The following SDK1 variants were observed in gnomAD, a reference collection of about 807,000 sequenced individuals.
SDK1 encodes the protein protein sidekick-1.
A neutral mutation model predicts 245.5 loss-of-function variants in SDK1; 157 were observed. The observed-to-expected ratio is 0.64, with a 90% confidence interval of 0.56 to 0.73. The LOEUF is 0.73. Among genes scored for constraint, SDK1 ranks in the 30% least tolerant of loss-of-function variants. The pLI is 0.00. For synonymous variants in SDK1, 1,647 were observed against 1,278.5 expected (o/e 1.29, Z -6.15); for missense variants, 3,583 against 3,002.3 (o/e 1.19, Z -4.52).
intron 5 of SDK1, among the ~76,000 whole-genome samples, chr7:3,936,493 G>T (rs979793478): frequency 1.3e-5 from 2 of 151,758 alleles, no homozygotes; most frequent in African/African-American, 2.4e-5. Context: ...GCTGAGGCAG[G>T]AGAAACACGT....
At chr7:3,961,573 C>T (rs1045277535) in intron 8 of SDK1, among the ~76,000 whole-genome samples, 7 of 151,764 alleles carry the variant, frequency 4.6e-5, no homozygotes, top group Admixed American at 6.6e-5. Context: ...CCTCATGGAG[C>T]GAGGCAGCTT....
At chr7:4,150,268 T>A (rs1351750314) in intron 30 of SDK1, among the ~76,000 whole-genome samples, 1 of 152,142 alleles carries the variant, frequency 6.6e-6, no homozygotes, top group Non-Finnish European at 1.5e-5. Flanking sequence ...GACACCCGCC[T>A]TGTGCTTCTC....
chr7:3,459,441 C>T (rs1320806715), intron 1 of SDK1, among the ~76,000 whole-genome samples: 2 of 152,136 alleles, frequency 1.3e-5, no homozygotes, highest in Admixed American at 6.6e-5. Flanking sequence ...GTAGCCACTC[C>T]CCAGTGCCAT....
intron 1 of SDK1, among the ~76,000 whole-genome samples, chr7:3,563,559 CCAG>C (rs1297355143): frequency 1.3e-5 from 2 of 152,054 alleles, no homozygotes; most frequent in Non-Finnish European, 2.9e-5. Context: ...GAAAATATAT[CCAG>C]CAACAATTGA....
chr7:3,409,312 T>C (rs1397329278), intron 1 of SDK1, among the ~76,000 whole-genome samples: 2 of 114,970 alleles, frequency 1.7e-5, no homozygotes, highest in Admixed American at 1.8e-4. Flanking sequence ...TTTTTTTTTT[T>C]TGGATGCCTT....
At chr7:3,616,608 G>A (rs1404382040) in intron 1 of SDK1, among the ~76,000 whole-genome samples, 1 of 152,046 alleles carries the variant, frequency 6.6e-6, no homozygotes, top group Non-Finnish European at 1.5e-5. Flanking sequence ...ACTCATAGAT[G>A]CAATTTAATA....
chr7:4,161,304 A>G (rs894527378), intron 31 of SDK1, among the ~76,000 whole-genome samples: 3 of 152,156 alleles, frequency 2.0e-5, no homozygotes, highest in South Asian at 2.1e-4. Context: ...GCCAGCTGCA[A>G]CCTCACCAGA....
intron 1 of SDK1, among the ~76,000 whole-genome samples, chr7:3,430,034 A>G (rs1372641530): frequency 2.0e-5 from 3 of 152,354 alleles, no homozygotes; most frequent in Admixed American, 1.3e-4. Flanking sequence ...TTACATTTCA[A>G]GTGCCAACTT....
intron 14 of SDK1, among the ~76,000 whole-genome samples, chr7:4,001,398 G>C (rs1200693928): frequency 6.6e-6 from 1 of 152,178 alleles, no homozygotes; most frequent in East Asian, 1.9e-4. Flanking sequence ...CTCCCGGTGA[G>C]CATGTGTCTC....
intron 1 of SDK1, among the ~76,000 whole-genome samples, chr7:3,605,261 A>C (rs1781384854): frequency 6.6e-6 from 1 of 152,210 alleles, no homozygotes; most frequent in Non-Finnish European, 1.5e-5. Context: ...TATATTGTGG[A>C]ATTTTAGGCT....
intron 5 of SDK1, among the ~76,000 whole-genome samples, chr7:3,845,920 T>C (rs1266513496): frequency 2.4e-4 from 37 of 152,208 alleles, no homozygotes; most frequent in Non-Finnish European, 1.2e-4. Context: ...TGAAATTTGA[T>C]TTGAGCTGCT....
At chr7:3,585,775 A>G (rs1432582238) in intron 1 of SDK1, among the ~76,000 whole-genome samples, 1 of 152,152 alleles carries the variant, frequency 6.6e-6, no homozygotes, top group East Asian at 1.9e-4. Flanking sequence ...CGGGGGAGAA[A>G]TCTAAAGACA....
intron 20 of SDK1, among the ~76,000 whole-genome samples, chr7:4,070,044 C>T (rs1780150283): frequency 1.3e-5 from 2 of 152,210 alleles, no homozygotes; most frequent in African/African-American, 4.8e-5. Flanking sequence ...TCAAAGCACC[C>T]TGAGGCCACA....
At chr7:3,818,189 A>G (rs1779556408) in intron 4 of SDK1, among the ~76,000 whole-genome samples, 1 of 152,252 alleles carries the variant, frequency 6.6e-6, no homozygotes, top group Non-Finnish European at 1.5e-5. Context: ...AATTTTATTT[A>G]AAGCCACACA....
chr7:3,698,211 G>A lies in SDK1; in HGVS notation c.713+56106G>A, dbSNP rs116080022. Reference sequence around the variant, plus strand: ...TAGCCAAATACTACCGAAGAAAACTGTGGCCATATTCACAAACCCCCAAGC... The same window carrying A: ...TAGCCAAATACTACCGAAGAAAACTATGGCCATATTCACAAACCCCCAAGC... On this transcript the variant is annotated intron_variant, in intron 4 of 44. Coordinates refer to ENST00000404826, the MANE Select transcript of SDK1 (RefSeq NM_152744.4). Among the ~76,000 whole-genome samples, 292 of 152,272 alleles carry A rather than the reference G, an allele frequency of 1.9e-3. 1 individual carries two copies. Among genetic ancestry groups the A allele is most frequent in the African/African-American group, 6.7e-3 (278 of 41,554 alleles).
At chr7:3,794,394 C>A (rs1038047585) in intron 4 of SDK1, among the ~76,000 whole-genome samples, 4 of 152,236 alleles carry the variant, frequency 2.6e-5, no homozygotes, top group African/African-American at 9.6e-5. Context: ...AGCTTTGGGA[C>A]ATGCTGTGGT....
At position 4,012,176 on chromosome 7, in the gene SDK1, C is replaced by T; in HGVS notation, c.2361C>T (p.Val787=). 1 of 1,576,424 alleles carries T rather than the reference C, an allele frequency of 6.3e-7. No individual in the cohort carries two copies. Among genetic ancestry groups the T allele is most frequent in the Admixed American group, 1.8e-5 (1 of 54,666 alleles). ...ASGRTNQSIM[V]QWQPPPETEH... ...GGCGGACTAATCAGTCCATTATGGTCCAGTGGCAGCCACCCCCAGAAACAG... is the reference window on the plus strand; with the variant it reads ...GGCGGACTAATCAGTCCATTATGGTTCAGTGGCAGCCACCCCCAGAAACAG... The change falls in exon 16 of 45, where the codon GTC becomes GTT. Residue 787 remains valine (V), a synonymous_variant. Coordinates refer to ENST00000404826, the MANE Select transcript of SDK1 (RefSeq NM_152744.4).
intron 3 of SDK1, 65 bp from the exon 4 acceptor site, chr7:3,641,893 C>A: frequency 7.4e-7 from 1 of 1,359,612 alleles, no homozygotes; most frequent in Non-Finnish European, 1.0e-6. Flanking sequence ...CTGTTTCCAT[C>A]TGTGACCCCT....
chr7:3,902,626 T>A (rs1781828387), intron 5 of SDK1, among the ~76,000 whole-genome samples: 1 of 152,196 alleles, frequency 6.6e-6, no homozygotes, highest in Non-Finnish European at 1.5e-5. Flanking sequence ...GTGTCTTAAT[T>A]GAATAATATA....
Sources: gnomAD v4.1 joint callset for allele counts (sites outside exome capture counted in the v4.1 genomes callset) on GRCh38, gnomAD v4.1.1 for gene constraint, MANE v1.5 for transcripts, NCBI Gene and HGNC (gene_info 2026-07-23, HGNC 2026-07-21) for gene names.